DLGAP1: variants seen among roughly 807,000 people sequenced by gnomAD.
The protein encoded by DLGAP1 is DLG associated protein 1.
DLGAP1 carries 11 observed loss-of-function variants against 90.8 expected under a neutral mutation model. The observed-to-expected ratio is 0.12, with a 90% CI of 0.08 to 0.20. The LOEUF (loss-of-function observed/expected upper bound fraction) is 0.20. Ranked by LOEUF, DLGAP1 falls within the 10% of genes least tolerant of loss-of-function variation. DLGAP1 has a pLI of 1.00. For synonymous variants in DLGAP1, 558 were observed against 540.7 expected, an observed-to-expected ratio of 1.03 and a Z score of -0.44; for missense variants, 1,050 against 1,333.8, an observed-to-expected ratio of 0.79 and a Z score of 3.31.
chr18:4,080,119 T>A (rs1191825577), intron 2 of DLGAP1, among the ~76,000 whole-genome samples: 2 of 152,072 alleles, frequency 1.3e-5, no homozygotes, highest in East Asian at 1.9e-4. Context: ...ACCAAGAATA[T>A]GAAGTGAGGG....
chr18:3,939,050 G>A (rs1035997719), intron 3 of DLGAP1, among the ~76,000 whole-genome samples: 8 of 152,280 alleles, frequency 5.3e-5, no homozygotes, highest in South Asian at 2.1e-4. Context: ...ACAGGGAAGA[G>A]GTGGCAGAAG....
At chr18:3,925,966 T>A (rs1408015911) in intron 3 of DLGAP1, among the ~76,000 whole-genome samples, 1 of 151,978 alleles carries the variant, frequency 6.6e-6, no homozygotes, top group Non-Finnish European at 1.5e-5. Flanking sequence ...CAATTCGGAA[T>A]CATACTTATC....
chr18:4,317,013 G>C (rs1296922070), intron 1 of DLGAP1, among the ~76,000 whole-genome samples: 1 of 141,514 alleles, frequency 7.1e-6, no homozygotes, highest in Non-Finnish European at 1.6e-5. Context: ...AGGTCTACTG[G>C]TGAGGTCCCT....
chr18:3,512,337 C>T (rs573970875), intron 10 of DLGAP1, among the ~76,000 whole-genome samples: 1 of 152,316 alleles, frequency 6.6e-6, no homozygotes, highest in South Asian at 2.1e-4. Flanking sequence ...AGACTCCTCC[C>T]TTTCCTTTCT....
intron 2 of DLGAP1, among the ~76,000 whole-genome samples, chr18:4,017,163 G>T (rs192953445): frequency 6.6e-6 from 1 of 152,242 alleles, no homozygotes; most frequent in East Asian, 1.9e-4. Flanking sequence ...TTAAAAGCAG[G>T]CCTGTGCAGA....
chr18:3,615,819 G>C (rs912592130), intron 7 of DLGAP1, among the ~76,000 whole-genome samples: 1 of 152,112 alleles, frequency 6.6e-6, no homozygotes, highest in African/African-American at 2.4e-5. Context: ...TAGCTAGTTT[G>C]ATAAGAGAAT....
At chr18:3,577,262 C>G (rs2055212350) in intron 8 of DLGAP1, among the ~76,000 whole-genome samples, 1 of 152,194 alleles carries the variant, frequency 6.6e-6, no homozygotes, top group Non-Finnish European at 1.5e-5. Flanking sequence ...ACGGGCTACC[C>G]CAGGCCTTTC....
intron 7 of DLGAP1, among the ~76,000 whole-genome samples, chr18:3,672,755 A>C (rs79299667): frequency 1.3e-5 from 2 of 152,076 alleles, no homozygotes; most frequent in African/African-American, 4.8e-5. Context: ...CCATTCATCA[A>C]TAGTGGTGGC....
chr18:3,619,742 C>CTTTTTTTTTTT (rs10625913), intron 7 of DLGAP1, among the ~76,000 whole-genome samples: 1 of 112,424 alleles, frequency 8.9e-6, no homozygotes, highest in Non-Finnish European at 1.7e-5. Context: ...TAGTTTTTTC[C>CTTTTTTTTTTT]TTTTTTTTTT....
At position 3,688,656 on chromosome 18, in the gene DLGAP1, CA is replaced by C. The variant is rs1567965663; in HGVS notation, c.1591+40478del. ...ACACACACACACACACACACACACA[CA>C]CACACACACACCCTACCAAAAATAA... is the stretch of plus-strand genomic sequence containing the variant. On this transcript the variant is annotated intron_variant, in intron 7 of 12. Coordinates refer to ENST00000315677, the MANE Select transcript of DLGAP1 (RefSeq NM_004746.4). Among the ~76,000 whole-genome samples, 844 of 111,632 alleles carry C rather than the reference CA, an allele frequency of 7.6e-3. 2 individuals carry two copies. Among genetic ancestry groups the C allele is most frequent in the Non-Finnish European group, 0.01 (545 of 53,878 alleles). 73.2% of individuals were successfully genotyped at this position (111,632 alleles called of 152,430 possible).
chr18:4,233,321 TTTCC>T (rs1274915458), intron 1 of DLGAP1, among the ~76,000 whole-genome samples: 3 of 152,192 alleles, frequency 2.0e-5, no homozygotes, highest in Non-Finnish European at 2.9e-5. Flanking sequence ...TTCCTTAGTA[TTTCC>T]TTGTCTTTCA....
intron 7 of DLGAP1, among the ~76,000 whole-genome samples, chr18:3,583,519 A>G (rs937551154): frequency 1.3e-5 from 2 of 152,156 alleles, no homozygotes; most frequent in Admixed American, 1.3e-4. Flanking sequence ...ACTCACTGAG[A>G]GTATTTACAC....
chr18:4,374,978 C>T (rs536409000), intron 1 of DLGAP1, among the ~76,000 whole-genome samples: 1 of 152,024 alleles, frequency 6.6e-6, no homozygotes, highest in Non-Finnish European at 1.5e-5. Flanking sequence ...AATAAAATAT[C>T]ACTTCTCTTC....
At chr18:4,212,630 C>CAAAAA (rs3041113) in intron 1 of DLGAP1, among the ~76,000 whole-genome samples, 1 of 121,892 alleles carries the variant, frequency 8.2e-6, no homozygotes. Flanking sequence ...GACTCCATCT[C>CAAAAA]AAAAAAAAAA....
chr18:4,172,825 G>A (rs969790304), intron 1 of DLGAP1, among the ~76,000 whole-genome samples: 12 of 152,200 alleles, frequency 7.9e-5, no homozygotes, highest in Non-Finnish European at 1.6e-4. Flanking sequence ...GAAACTGTAA[G>A]CATGAATGTA....
chr18:4,093,113 G>A (rs1347946888), intron 2 of DLGAP1, among the ~76,000 whole-genome samples: 1 of 152,168 alleles, frequency 6.6e-6, no homozygotes, highest in African/African-American at 2.4e-5. Context: ...CTTGGTGGAA[G>A]TGGCAATTTG....
intron 2 of DLGAP1, among the ~76,000 whole-genome samples, chr18:4,147,483 C>T (rs12607175): frequency 0.08 from 12,099 of 152,066 alleles, 1,235 homozygotes; most frequent in East Asian, 0.23. Context: ...CCACCTTTCT[C>T]TATAGCACAA....
intron 1 of DLGAP1, among the ~76,000 whole-genome samples, chr18:4,410,539 A>G (rs775635677): frequency 3.9e-5 from 6 of 152,168 alleles, no homozygotes; most frequent in Non-Finnish European, 8.8e-5. Context: ...GAAAGTATAA[A>G]ACTATATATA....
chr18:3,839,275 C>T (rs1391892800), intron 4 of DLGAP1, among the ~76,000 whole-genome samples: 1 of 152,124 alleles, frequency 6.6e-6, no homozygotes, highest in Non-Finnish European at 1.5e-5. Flanking sequence ...CGAGTAGAAA[C>T]CACAAGAATC....
Sources: gnomAD v4.1 joint callset for allele counts (sites outside exome capture counted in the v4.1 genomes callset) on GRCh38, gnomAD v4.1.1 for gene constraint, MANE v1.5 for transcripts, NCBI Gene and HGNC (gene_info 2026-07-23, HGNC 2026-07-21) for gene names.